PCDHGB1: variants seen among roughly 807,000 people sequenced by gnomAD.
PCDHGB1 encodes the protein protocadherin gamma-B1.
In PCDHGB1, 34 loss-of-function variants were observed where a neutral mutation model predicts 56.6. The ratio of observed to expected loss-of-function variants is 0.60; its 90% CI spans 0.46 to 0.80. PCDHGB1 has a LOEUF of 0.80. PCDHGB1 is among the 30% of genes least tolerant of loss of function. The pLI is 0.00. For missense variants in PCDHGB1, 1,278 were observed against 1,204.6 expected, an observed-to-expected ratio of 1.06 and a Z score of -0.90; for synonymous variants, 561 against 505.9, an observed-to-expected ratio of 1.11 and a Z score of -1.46.
intron 1 of PCDHGB1, chr5:141,375,677 G>A (rs1171088976): frequency 1.2e-6 from 2 of 1,614,236 alleles, no homozygotes; most frequent in South Asian, 1.1e-5. Context: ...ACAGCTGTGG[G>A]TGACAGCCAG....
intron 1 of PCDHGB1, chr5:141,408,126 C>T: frequency 1.5e-5 from 22 of 1,479,600 alleles, no homozygotes; most frequent in Non-Finnish European, 1.6e-5. Flanking sequence ...TGTCCTGGGC[C>T]GAATGCTCTT....
At position 141,486,367 on chromosome 5, in the gene PCDHGB1, G is replaced by A; in HGVS notation, c.2410-8440G>A. On this transcript the variant is annotated intron_variant, in intron 1 of 3. Coordinates refer to ENST00000523390, the MANE Select transcript of PCDHGB1 (RefSeq NM_018922.3). This position sits in a 1 kb window ranked among gnomAD's most constrained non-coding sequence, Gnocchi z 5.0. Reference sequence around the variant, plus strand: ...CTGACCACTTGCCATTTGCCCTCAAGTCTGCCTTCAGGAACCAGTTCTCCC... The same window carrying A: ...CTGACCACTTGCCATTTGCCCTCAAATCTGCCTTCAGGAACCAGTTCTCCC... 1 of 1,614,148 alleles carries A rather than the reference G, an allele frequency of 6.2e-7. No individual in the cohort carries two copies. Among genetic ancestry groups the A allele is most frequent in the Non-Finnish European group, 8.5e-7 (1 of 1,180,022 alleles).
rs1389786201 is a variant in PCDHGB1, at chr5:141,486,949, G to A, written c.2410-7858G>A. 4 of 1,614,224 alleles carry A rather than the reference G, an allele frequency of 2.5e-6. No individual in the cohort carries two copies. Among genetic ancestry groups the A allele is most frequent in the African/African-American group, 2.7e-5 (2 of 75,064 alleles). ...TTGGTGCTGGCCACCTAATCACAAA[G>A]GTGACTGCTGTGGACTTGGATTCAG... On this transcript the variant is annotated intron_variant, in intron 1 of 3. Coordinates refer to ENST00000523390, the MANE Select transcript of PCDHGB1 (RefSeq NM_018922.3). The surrounding 1 kb of genome is among the most constrained non-coding windows in gnomAD (Gnocchi z 5.0).
intron 1 of PCDHGB1, chr5:141,357,111 G>A (rs1377471410): frequency 1.2e-6 from 2 of 1,613,722 alleles, no homozygotes; most frequent in African/African-American, 2.7e-5. Context: ...ACAGAGACGC[G>A]CTCAAGCAGA....
At chr5:141,475,910 G>A in intron 1 of PCDHGB1, 1 of 588,414 alleles carries the variant, frequency 1.7e-6, no homozygotes, top group South Asian at 2.3e-5. Context: ...GTCGGCCAAT[G>A]AAGACGCTGG....
intron 1 of PCDHGB1, among the ~76,000 whole-genome samples, chr5:141,465,502 G>T (rs948827391): frequency 6.6e-6 from 1 of 152,152 alleles, no homozygotes; most frequent in Non-Finnish European, 1.5e-5. Flanking sequence ...GAGCATTGTC[G>T]TGGTCAGGAA....
At position 141,431,914 on chromosome 5, in the gene PCDHGB1, C is replaced by A. The variant is rs745837291; in HGVS notation, c.2410-62893C>A. 6.2e-7 allele frequency: 1 copy of A among 1,613,912 alleles called. No individual in the cohort carries two copies. Among genetic ancestry groups the A allele is most frequent in the African/African-American group, 1.3e-5 (1 of 75,070 alleles). On this transcript the variant is annotated intron_variant, in intron 1 of 3. Transcript: ENST00000523390. The surrounding 1 kb of genome is among the most constrained non-coding windows in gnomAD (Gnocchi z 4.8). ...AGGAAAACGGACAGGTGATCTGTTT[C>A]ATCCAAGGAAATCTGCCCTTTAAAT...
intron 1 of PCDHGB1, chr5:141,376,316 G>C: frequency 6.2e-7 from 1 of 1,614,224 alleles, no homozygotes; most frequent in South Asian, 1.1e-5. Flanking sequence ...GGGCGTGGAA[G>C]GGGTTCGGGC....
chr5:141,413,824 A>C, intron 1 of PCDHGB1: 1 of 1,613,112 alleles, frequency 6.2e-7, no homozygotes, highest in South Asian at 1.1e-5. Flanking sequence ...CCTGGTCCTC[A>C]CCGCCTCCGA....
chr5:141,472,145 A>C (rs1376068421), intron 1 of PCDHGB1, among the ~76,000 whole-genome samples: 1 of 152,244 alleles, frequency 6.6e-6, no homozygotes, highest in Non-Finnish European at 1.5e-5. Context: ...TAAAAGTTTC[A>C]TGGTTACATA....
At chr5:141,450,565 C>T (rs1024229182) in intron 1 of PCDHGB1, among the ~76,000 whole-genome samples, 2 of 152,016 alleles carry the variant, frequency 1.3e-5, no homozygotes, top group Non-Finnish European at 2.9e-5. Context: ...CGGCTCACTG[C>T]AACTTCTGCC....
chr5:141,409,552 A>G, intron 1 of PCDHGB1: 8 of 1,613,962 alleles, frequency 5.0e-6, no homozygotes, highest in Non-Finnish European at 6.8e-6. Flanking sequence ...ACAACGCCCC[A>G]GTTTTCGACC....
intron 1 of PCDHGB1, chr5:141,383,685 C>T: frequency 3.1e-6 from 5 of 1,614,018 alleles, no homozygotes; most frequent in Non-Finnish European, 4.2e-6. Context: ...CAAGACTGCT[C>T]ACGGTACATG....
chr5:141,491,982 T>G lies in PCDHGB1; in HGVS notation c.2410-2825T>G. On this transcript the variant is annotated intron_variant, in intron 1 of 3. Coordinates refer to ENST00000523390, the MANE Select transcript of PCDHGB1 (RefSeq NM_018922.3). This position sits in a 1 kb window ranked among gnomAD's most constrained non-coding sequence, Gnocchi z 6.9. Reference sequence around the variant, plus strand: ...AAAAGGCCGGGGCCTCCTTCGAGCTTCCGGTGAATTTCGGGCGATTTCCGC... The same window carrying G: ...AAAAGGCCGGGGCCTCCTTCGAGCTGCCGGTGAATTTCGGGCGATTTCCGC... The G allele has an allele frequency of 2.6e-6, 2 of 759,438 alleles. No homozygotes were observed. Among genetic ancestry groups the G allele is most frequent in the East Asian group, 3.2e-5 (1 of 31,728 alleles). The allele number at this position is 759,438 out of a possible 1,614,324, so 47.0% of individuals were successfully genotyped here. A position where few individuals can be genotyped will look rare whatever the true frequency, so the allele number is the denominator to read the frequency against.
At chr5:141,407,407 G>A (rs558103918) in intron 1 of PCDHGB1, among the ~76,000 whole-genome samples, 17 of 152,216 alleles carry the variant, frequency 1.1e-4, no homozygotes, top group African/African-American at 3.6e-4. Context: ...GTTACTATTC[G>A]ATACCACAAA....
rs375260597 is a variant in PCDHGB1 at position 141,388,655 on chromosome 5, G to C, written c.2409+35986G>C. On this transcript the variant is annotated intron_variant, in intron 1 of 3. Coordinates refer to ENST00000523390, the MANE Select transcript of PCDHGB1 (RefSeq NM_018922.3). Reference sequence around the variant, plus strand: ...TGAGCCTTTCAGAAAACGTGTACCCGGGGACCACGGTGCTACAGGTGACTG... The same window carrying C: ...TGAGCCTTTCAGAAAACGTGTACCCCGGGACCACGGTGCTACAGGTGACTG... The C allele has an allele frequency of 1.9e-6, 3 of 1,613,808 alleles. No individual in the cohort carries two copies. In the African/African-American group the frequency reaches 4.0e-5, roughly 22 times the overall value.
intron 1 of PCDHGB1, among the ~76,000 whole-genome samples, chr5:141,460,478 A>G (rs989135238): frequency 6.6e-5 from 10 of 152,136 alleles, no homozygotes; most frequent in African/African-American, 2.4e-4. Context: ...GGAATATCCA[A>G]TTGTCTCTTT....
intron 1 of PCDHGB1, among the ~76,000 whole-genome samples, chr5:141,406,762 A>C (rs942707558): frequency 2.0e-5 from 3 of 152,238 alleles, no homozygotes; most frequent in Non-Finnish European, 4.4e-5. Context: ...CAAGGAATTA[A>C]AAATATTTCT....
intron 1 of PCDHGB1, chr5:141,377,686 C>T (rs766172227): frequency 1.1e-4 from 16 of 151,986 alleles, no homozygotes; most frequent in African/African-American, 2.9e-4. Context: ...AGATCTTTCA[C>T]CTTTACTACT....
Sources: gnomAD v4.1 joint callset for allele counts (sites outside exome capture counted in the v4.1 genomes callset) on GRCh38, gnomAD v4.1.1 for gene constraint, Gnocchi (gnomAD v3.1) non-coding constraint, MANE v1.5 for transcripts, NCBI Gene and HGNC (gene_info 2026-07-23, HGNC 2026-07-21) for gene names.